The following CPQ variants were observed in gnomAD, a reference collection of about 807,000 sequenced individuals.
CPQ encodes Ser-Met dipeptidase.
Under a neutral mutation model 45.7 loss-of-function variants are expected in CPQ, and 37 were observed. That is an observed-to-expected ratio of 0.81 (90% CI 0.62 to 1.07). The LOEUF is 1.07. Ranked by LOEUF, CPQ falls within the 50% of genes least tolerant of loss-of-function variation. The pLI is 0.00. For synonymous variants in CPQ, 186 were observed against 205.8 expected, an observed-to-expected ratio of 0.90 and a Z score of 0.82; for missense variants, 537 against 572.9, an observed-to-expected ratio of 0.94 and a Z score of 0.64.
intron 1 of CPQ, among the ~76,000 whole-genome samples, chr8:96,682,514 A>G (rs1809165407): frequency 1.3e-5 from 2 of 152,180 alleles, no homozygotes; most frequent in African/African-American, 4.8e-5. Flanking sequence ...AGTCTTGGGT[A>G]TGTCTTTATC....
At chr8:96,998,121 C>T (rs1202207342) in intron 5 of CPQ, among the ~76,000 whole-genome samples, 1 of 151,898 alleles carries the variant, frequency 6.6e-6, no homozygotes, top group African/African-American at 2.4e-5. Flanking sequence ...CTACTCTCAT[C>T]ATCATACGGT....
At chr8:96,718,283 G>A (rs1446255569) in intron 1 of CPQ, among the ~76,000 whole-genome samples, 4 of 152,192 alleles carry the variant, frequency 2.6e-5, no homozygotes, top group Non-Finnish European at 5.9e-5. Flanking sequence ...GAATGAAGCC[G>A]CGGACCCTCA....
chr8:96,689,662 A>T (rs1809278613), intron 1 of CPQ, among the ~76,000 whole-genome samples: 1 of 151,818 alleles, frequency 6.6e-6, no homozygotes, highest in Non-Finnish European at 1.5e-5. Flanking sequence ...TTCCTTGAGG[A>T]CTTTTCTCTA....
At chr8:96,682,401 G>A (rs1335437970) in intron 1 of CPQ, among the ~76,000 whole-genome samples, 3 of 152,224 alleles carry the variant, frequency 2.0e-5, no homozygotes, top group African/African-American at 7.2e-5. Context: ...TGCCATCCAC[G>A]TAAAACGTGA....
chr8:97,136,998 G>A (rs1446535371), intron 7 of CPQ, among the ~76,000 whole-genome samples: 3 of 152,116 alleles, frequency 2.0e-5, no homozygotes, highest in Non-Finnish European at 4.4e-5. Flanking sequence ...TGTCTCCTTG[G>A]AACTACAGAG....
chr8:96,873,380 G>A (rs1563517981), intron 3 of CPQ, among the ~76,000 whole-genome samples: 3 of 151,286 alleles, frequency 2.0e-5, no homozygotes, highest in Non-Finnish European at 4.4e-5. Flanking sequence ...GAATTATGGT[G>A]TAAATGAAAC....
At chr8:96,645,981 G>A (rs1399605564) in intron 1 of CPQ, among the ~76,000 whole-genome samples, 1 of 150,016 alleles carries the variant, frequency 6.7e-6, no homozygotes. Flanking sequence ...TACCTATGCC[G>A]TAGAACTGAG....
In CPQ at chr8:96,753,147, G is replaced by A. The variant is rs562760553; in HGVS notation, c.-34-31717G>A. On this transcript the variant is annotated intron_variant, in intron 1 of 7. Transcript: ENST00000220763. The stretch of plus-strand genomic sequence containing the variant: ...ATACATAACCAGTTTTACACAAACC[G>A]TTTATAGAGTAGTCCATTTTTTCCA... 5.9e-5 allele frequency among the ~76,000 whole-genome samples: 9 copies of A among 152,158 alleles called. No individual in the cohort carries two copies. In the East Asian group the frequency reaches 7.7e-4, roughly 13 times the overall value.
intron 4 of CPQ, among the ~76,000 whole-genome samples, chr8:96,942,040 C>T (rs566314170): frequency 6.6e-6 from 1 of 152,238 alleles, no homozygotes; most frequent in Admixed American, 6.5e-5. Flanking sequence ...TTATCCTTAT[C>T]CTTTCCTCTA....
intron 6 of CPQ, among the ~76,000 whole-genome samples, chr8:97,047,359 T>C (rs1468546210): frequency 6.6e-6 from 1 of 152,226 alleles, no homozygotes; most frequent in Non-Finnish European, 1.5e-5. Flanking sequence ...ATCTACTAAT[T>C]TGTCATAAAC....
intron 2 of CPQ, among the ~76,000 whole-genome samples, chr8:96,829,737 A>G (rs1486923354): frequency 6.6e-6 from 1 of 152,070 alleles, no homozygotes; most frequent in Non-Finnish European, 1.5e-5. Flanking sequence ...ATGCTGATTT[A>G]TGTTCTCTCA....
At chr8:96,972,615 C>T (rs1228879215) in intron 5 of CPQ, among the ~76,000 whole-genome samples, 1 of 152,180 alleles carries the variant, frequency 6.6e-6, no homozygotes. Flanking sequence ...CAACCAAGGA[C>T]CCTCGCAGAG....
chr8:96,673,758 G>C (rs1180088839), intron 1 of CPQ, among the ~76,000 whole-genome samples: 2 of 152,128 alleles, frequency 1.3e-5, no homozygotes, highest in Non-Finnish European at 2.9e-5. Context: ...CAATCTGAGG[G>C]CTCTAAGCTG....
At chr8:96,769,461 C>A (rs1270990578) in intron 1 of CPQ, among the ~76,000 whole-genome samples, 1 of 152,056 alleles carries the variant, frequency 6.6e-6, no homozygotes, top group South Asian at 2.1e-4. Flanking sequence ...AATCACAGAT[C>A]ATAGACCCCT....
intron 4 of CPQ, among the ~76,000 whole-genome samples, chr8:96,963,239 C>T (rs911790190): frequency 1.3e-5 from 2 of 152,196 alleles, no homozygotes; most frequent in African/African-American, 4.8e-5. Context: ...TCCACTGGAA[C>T]GTCACTGAGA....
intron 7 of CPQ, among the ~76,000 whole-genome samples, chr8:97,122,960 A>ATTAAAT (rs1563586839): frequency 1.9e-4 from 17 of 87,338 alleles, no homozygotes; most frequent in South Asian, 1.0e-3. Flanking sequence ...ATAAAATAAA[A>ATTAAAT]TAAAATAAAA....
chr8:97,124,927 T>C (rs1402170380), intron 7 of CPQ, among the ~76,000 whole-genome samples: 3 of 151,780 alleles, frequency 2.0e-5, no homozygotes, highest in Admixed American at 6.6e-5. Context: ...ATCAATGAAA[T>C]AGAAAATAAT....
chr8:96,652,400 T>C (rs2130704421), intron 1 of CPQ, among the ~76,000 whole-genome samples: 1 of 152,378 alleles, frequency 6.6e-6, no homozygotes, highest in South Asian at 2.1e-4. Flanking sequence ...GTTGATTCTA[T>C]AATTTGGCTA....
intron 2 of CPQ, among the ~76,000 whole-genome samples, chr8:96,829,308 G>A (rs1811418788): frequency 6.6e-6 from 1 of 152,126 alleles, no homozygotes. Flanking sequence ...GATCTCAGGA[G>A]ACACAGTCCG....
Sources: gnomAD v4.1 joint callset for allele counts (sites outside exome capture counted in the v4.1 genomes callset) on GRCh38, gnomAD v4.1.1 for gene constraint, MANE v1.5 for transcripts, NCBI Gene and HGNC (gene_info 2026-07-23, HGNC 2026-07-21) for gene names.